SLC36A1: variants seen among roughly 807,000 people sequenced by gnomAD.
SLC36A1 encodes proton-coupled amino acid transporter 1.
A neutral mutation model predicts 47.5 loss-of-function variants in SLC36A1; 30 were observed. That is an observed-to-expected ratio of 0.63 (90% CI 0.47 to 0.86). The LOEUF is 0.86. Ranked by LOEUF, SLC36A1 falls within the 40% of genes least tolerant of loss-of-function variation. SLC36A1 has a pLI of 0.00. For missense variants in SLC36A1, 517 were observed against 606.0 expected (o/e 0.85, Z 1.54); for synonymous variants, 255 against 249.7 (o/e 1.02, Z -0.20).
the SLC36A1 span, among the ~76,000 whole-genome samples, chr5:151,362,349 C>T: frequency 1.3e-5 from 2 of 148,502 alleles, no homozygotes; most frequent in Non-Finnish European, 3.0e-5. Context: ...TTTAGTTTGT[C>T]TTCAAGCTTA....
the SLC36A1 span, among the ~76,000 whole-genome samples, chr5:151,351,946 C>T: frequency 6.6e-6 from 1 of 152,204 alleles, no homozygotes; most frequent in African/African-American, 2.4e-5. Context: ...CCCACAAGGT[C>T]CTGCATGATC....
At chr5:151,542,366 G>A in the SLC36A1 span, 2 of 1,614,002 alleles carry the variant, frequency 1.2e-6, no homozygotes, top group Admixed American at 1.7e-5. Context: ...AGTTCGCCAG[G>A]CTCACTGTTC....
chr5:151,431,623 G>A, the SLC36A1 span, among the ~76,000 whole-genome samples: 2 of 152,152 alleles, frequency 1.3e-5, no homozygotes, highest in East Asian at 3.9e-4. Context: ...ACGTGATAGT[G>A]AATAAGTCTC....
the SLC36A1 span, among the ~76,000 whole-genome samples, chr5:151,408,345 C>T: frequency 1.1e-4 from 16 of 152,154 alleles, no homozygotes; most frequent in East Asian, 3.9e-4. Flanking sequence ...CACACCACCA[C>T]GCCTGGCTAA....
At chr5:151,425,964 C>CTCTGTCTATCTA in the SLC36A1 span, among the ~76,000 whole-genome samples, 1 of 148,052 alleles carries the variant, frequency 6.8e-6, no homozygotes, top group Non-Finnish European at 1.5e-5. Context: ...CTCTCTCTCC[C>CTCTGTCTATCTA]TCTATCTATC....
chr5:151,463,790 A>G, intron 3 of SLC36A1, 147 bp downstream of exon 3: 1 of 670,062 alleles, frequency 1.5e-6, no homozygotes, highest in South Asian at 1.8e-5. Flanking sequence ...TCAGACATTC[A>G]TTCACTTAAA....
At chr5:151,543,613 G>A in the SLC36A1 span, 1 of 1,614,156 alleles carries the variant, frequency 6.2e-7, no homozygotes, top group East Asian at 2.2e-5. Context: ...TTTGTCTATG[G>A]CTAGCAAATC....
At chr5:151,534,626 G>C in the SLC36A1 span, 20 of 1,610,308 alleles carry the variant, frequency 1.2e-5, no homozygotes, top group Non-Finnish European at 1.4e-5. Flanking sequence ...CTAGGGCAGT[G>C]AGTGTGGTCA....
At chr5:151,362,634 C>T in the SLC36A1 span, among the ~76,000 whole-genome samples, 1 of 151,988 alleles carries the variant, frequency 6.6e-6, no homozygotes, top group African/African-American at 2.4e-5. Flanking sequence ...CAGGCGATCT[C>T]CCTGCCTCAG....
the SLC36A1 span, chr5:151,542,540 G>C: frequency 6.2e-7 from 1 of 1,614,222 alleles, no homozygotes; most frequent in Non-Finnish European, 8.5e-7. Flanking sequence ...TCACAGTCAA[G>C]TTCCTGGAGT....
intron 1 of SLC36A1, among the ~76,000 whole-genome samples, chr5:151,439,669 A>G (rs950468511): frequency 5.9e-5 from 8 of 135,098 alleles, no homozygotes; most frequent in African/African-American, 2.0e-4. Flanking sequence ...AAAAGAAAAG[A>G]AAAAAAAAAA....
the SLC36A1 span, among the ~76,000 whole-genome samples, chr5:151,427,087 T>C: frequency 6.6e-6 from 1 of 152,178 alleles, no homozygotes. Flanking sequence ...TTTTTATGTC[T>C]TCTTTTTTCT....
intron 8 of SLC36A1, among the ~76,000 whole-genome samples, chr5:151,476,084 G>T (rs1182631401): frequency 1.3e-5 from 2 of 152,216 alleles, no homozygotes; most frequent in African/African-American, 2.4e-5. Context: ...GCTTTCTTTC[G>T]CACTGCAGTT....
At chr5:151,399,084 A>ATATATATATATATTT in the SLC36A1 span, among the ~76,000 whole-genome samples, 100 of 60,032 alleles carry the variant, frequency 1.7e-3, no homozygotes, top group African/African-American at 3.5e-3. Flanking sequence ...ATATATATAT[A>ATATATATATATATTT]TTTTTTTTTT....
chr5:151,479,799 G>T (rs930105095), intron 10 of SLC36A1: 6 of 523,904 alleles, frequency 1.1e-5, no homozygotes, highest in Non-Finnish European at 1.0e-5. Context: ...ATAAGGTAAA[G>T]GTCTGAAAGC....
rs752576710 is a variant in SLC36A1, at chr5:151,488,187, C to T, written c.1364C>T (p.Ala455Val). The change falls in exon 11 of 11, where the codon GCT becomes GTT. Residue 455 changes from alanine to valine, a missense_variant. Ala to Val is a moderately conservative substitution (Grantham distance 64). Transcript: ENST00000243389. ...FVGFVVGTYE[A>V]LYELIQPSNA... is the part of the protein sequence containing the mutation. ...GGCTTTGTGGTGGGGACCTATGAGG[C>T]TCTCTATGAGCTGATCCAGCCAAGC... 3 of 1,614,190 alleles carry T rather than the reference C, an allele frequency of 1.9e-6. No individual in the cohort carries two copies. Among genetic ancestry groups the T allele is most frequent in the Non-Finnish European group, 2.5e-6 (3 of 1,180,032 alleles).
chr5:151,454,467 C>A (rs888742649), intron 1 of SLC36A1, among the ~76,000 whole-genome samples: 1 of 152,080 alleles, frequency 6.6e-6, no homozygotes, highest in Non-Finnish European at 1.5e-5. Flanking sequence ...TGGCTCTGCC[C>A]ACTGTCTGAT....
upstream of SLC36A1, among the ~76,000 whole-genome samples, chr5:151,444,549 G>A (rs143275134): frequency 4.0e-4 from 61 of 152,050 alleles, no homozygotes; most frequent in African/African-American, 1.2e-3. Flanking sequence ...GAAGGGGCGC[G>A]ATCTCAGCTC....
At chr5:151,385,965 A>G in the SLC36A1 span, among the ~76,000 whole-genome samples, 3 of 149,622 alleles carry the variant, frequency 2.0e-5, no homozygotes, top group Admixed American at 2.0e-4. Flanking sequence ...TCCGCCTCCC[A>G]GGTTCAAGTG....
Sources: gnomAD v4.1 joint callset for allele counts (sites outside exome capture counted in the v4.1 genomes callset) on GRCh38, gnomAD v4.1.1 for gene constraint, MANE v1.5 for transcripts, NCBI Gene and HGNC (gene_info 2026-07-23, HGNC 2026-07-21) for gene names.